The following NOL9 variants were observed in gnomAD, a reference collection of about 807,000 sequenced individuals.
The protein encoded by NOL9 is polynucleotide 5'-hydroxyl-kinase NOL9.
A neutral mutation model predicts 67.9 loss-of-function variants in NOL9; 28 were observed. That is an observed-to-expected ratio of 0.41 (90% CI 0.31 to 0.57). NOL9 has a LOEUF of 0.57. Ranked by LOEUF, NOL9 falls within the 20% of genes least tolerant of loss-of-function variation. The pLI, the probability that NOL9 is intolerant of heterozygous loss-of-function variation, is 0.25. For missense variants in NOL9, 777 were observed against 897.0 expected, an observed-to-expected ratio of 0.87 and a Z score of 1.71; for synonymous variants, 356 against 352.2, an observed-to-expected ratio of 1.01 and a Z score of -0.12.
chr1:6,532,349 C>A, intron 8 of NOL9, 114 bp downstream of exon 8: 1 of 987,310 alleles, frequency 1.0e-6, no homozygotes, highest in Non-Finnish European at 1.5e-6. Flanking sequence ...GCATGCACAG[C>A]TGTGACAGGG....
Position 6,548,440 on chromosome 1 carries a change from C to A in NOL9, c.744+1131G>T, listed in dbSNP as rs1245308648. 4 of 224,162 alleles carry A rather than the reference C, an allele frequency of 1.8e-5. No individual in the cohort carries two copies. The South Asian group carries it at 3.0e-4, about 17-fold the overall frequency. 13.9% of individuals were successfully genotyped at this position (224,162 alleles called of 1,614,324 possible). ...GGGATTACAGGCGTGAGCCACCACG[C>A]CCCGCCAAGACCTAAAGTTCTTAAG... On this transcript the variant is annotated intron_variant, in intron 3 of 11. Coordinates refer to ENST00000377705, the MANE Select transcript of NOL9 (RefSeq NM_024654.5).
intron 4 of NOL9, 33 bp downstream of exon 4, chr1:6,545,008 GGACA>G (rs746583814): frequency 6.2e-7 from 1 of 1,613,974 alleles, no homozygotes; most frequent in South Asian, 1.1e-5. Context: ...GGGGTCTGGT[GGACA>G]GACATTCAGG....
At chr1:6,528,812 G>A (rs911836875) in intron 10 of NOL9, among the ~76,000 whole-genome samples, 182 bp downstream of exon 10, 5 of 152,218 alleles carry the variant, frequency 3.3e-5, no homozygotes, top group Admixed American at 1.3e-4. Flanking sequence ...GCTGGCAGAC[G>A]AAGCAGAGAA....
intron 3 of NOL9, among the ~76,000 whole-genome samples, chr1:6,547,145 CT>C: frequency 6.6e-6 from 1 of 152,210 alleles, no homozygotes; most frequent in South Asian, 2.1e-4. Flanking sequence ...CATCTTGTTT[CT>C]ATCTATTCAA....
chr1:6,525,943 C>T lies in NOL9; in HGVS notation c.2020G>A (p.Ala674Thr), dbSNP rs1638873862. The change falls in exon 12 of 12, where the codon GCA becomes ACA. Residue 674 changes from alanine to threonine, a missense_variant. Around this residue, in one of 2 missense-constraint regions of NOL9, gnomAD observed 413 missense variants for 552.6 expected, o/e 0.75. Transcript: ENST00000377705. ...TCTCTTGCTCCAATTTTCTCTGATG[C>T]TCCAGGAAGTTTAAAATTGTAATCC... is the stretch of plus-strand genomic sequence containing the variant. The part of the protein sequence containing the change: ...TTDYNFKLPG[A>T]SEKIGAREPE... 6 of 1,613,828 alleles carry T rather than the reference C, an allele frequency of 3.7e-6. No individual in the cohort carries two copies. Among genetic ancestry groups the T allele is most frequent in the East Asian group, 2.2e-5 (1 of 44,892 alleles).
At chr1:6,543,420 C>T (rs986696219) in intron 5 of NOL9, among the ~76,000 whole-genome samples, 1 of 152,188 alleles carries the variant, frequency 6.6e-6, no homozygotes, top group African/African-American at 2.4e-5. Context: ...TGGTCTCGAT[C>T]TCCTGACCTC....
chr1:6,537,912 A>C (rs2148655568), intron 6 of NOL9, among the ~76,000 whole-genome samples: 1 of 146,394 alleles, frequency 6.8e-6, no homozygotes, highest in Non-Finnish European at 1.5e-5. Flanking sequence ...TCATGAGGTC[A>C]GGAGATTGAG....
Position 6,544,852 on chromosome 1 carries a change from T to C in NOL9, c.951A>G (p.Arg317=). The change falls in exon 5 of 12, where the codon AGA becomes AGG. Residue 317 remains arginine, a synonymous_variant. Coordinates refer to ENST00000377705, the MANE Select transcript of NOL9 (RefSeq NM_024654.5). Reference sequence around the variant, plus strand: ...TATTTAACAAATGGTTAATCAGGTATCTATTAAATGTTGACTTTCCAACAT... The same window carrying C: ...TATTTAACAAATGGTTAATCAGGTACCTATTAAATGTTGACTTTCCAACAT... ...SQDVGKSTFN[R]YLINHLLNSL... 1 of 1,614,222 alleles carries C rather than the reference T, an allele frequency of 6.2e-7. No homozygotes were observed. Among genetic ancestry groups the C allele is most frequent in the East Asian group, 2.2e-5 (1 of 44,890 alleles).
In NOL9 at chr1:6,526,756, C is replaced by T; in HGVS notation, c.1899G>A (p.Arg633=). 2 of 1,614,026 alleles carry T rather than the reference C, an allele frequency of 1.2e-6. No individual in the cohort carries two copies. The highest frequency in any genetic ancestry group is 1.7e-6 in the Non-Finnish European group (2 of 1,179,950). ...CTCCAACGAGCAGACAATTCACGGT[C>T]CTTAGCTCTTCCGGGGGCACAGGGG... is the stretch of plus-strand genomic sequence containing the variant. The part of the protein sequence containing the change: ...ILTPVPPEEL[R]TVNCLLVGAI... Residue 633 remains arginine (R), a synonymous_variant, in exon 11 of 12, where the codon AGG becomes AGA. Transcript: ENST00000377705.
At chr1:6,545,701 A>C (rs1460459209) in intron 3 of NOL9, among the ~76,000 whole-genome samples, 1 of 85,698 alleles carries the variant, frequency 1.2e-5, no homozygotes, top group Admixed American at 1.3e-4. Context: ...AGGATGAAGG[A>C]AGGGCCCCGT....
chr1:6,532,265 C>T (rs1639046529), intron 8 of NOL9, 186 bp from the exon 9 acceptor site: 3 of 723,128 alleles, frequency 4.1e-6, no homozygotes, highest in African/African-American at 1.8e-5. Context: ...TTGCTGGCAG[C>T]CAGAGGTAGG....
chr1:6,539,310 A>C (rs927165812), intron 6 of NOL9, among the ~76,000 whole-genome samples: 7 of 152,232 alleles, frequency 4.6e-5, no homozygotes, highest in African/African-American at 1.7e-4. Flanking sequence ...TATACACCTG[A>C]AAGAACTGAA....
intron 3 of NOL9, among the ~76,000 whole-genome samples, chr1:6,546,984 G>A (rs541907693): frequency 4.6e-5 from 7 of 152,242 alleles, no homozygotes; most frequent in African/African-American, 1.2e-4. Context: ...AGCAGCTTTC[G>A]CCACCGCTGT....
chr1:6,549,898 C>T (rs11581831), intron 2 of NOL9, among the ~76,000 whole-genome samples, 200 bp from the exon 3 acceptor site: 121,454 of 152,028 alleles, frequency 0.8, 49,456 homozygotes, highest in Non-Finnish European at 0.87. Context: ...CATAATAATT[C>T]TGTGGCCTTG....
intron 10 of NOL9, among the ~76,000 whole-genome samples, chr1:6,527,634 CAAAACA>C (rs1458457976): frequency 2.0e-5 from 1 of 50,932 alleles, no homozygotes; most frequent in African/African-American, 4.5e-5. Flanking sequence ...CAAAACAAAA[CAAAACA>C]AAAAAAAAAC....
Position 6,532,016 on chromosome 1 carries a change from G to A in NOL9, c.1599C>T (p.Pro533=), listed in dbSNP as rs1199611194. The A allele has an allele frequency of 6.2e-7, 1 of 1,614,044 alleles. No homozygotes were observed. Among genetic ancestry groups the A allele is most frequent in the Non-Finnish European group, 8.5e-7 (1 of 1,180,038 alleles). ...AAGGAGAAAGTGGTTTGGGCATCGG[G>A]GGCTGCAGCTGGCTAAGGTAACTCA... is the stretch of plus-strand genomic sequence containing the variant. ...SILSYLSQLQ[P]PMPKPLSPLH... The change falls in exon 9 of 12, where the codon CCC becomes CCT. Residue 533 remains proline (P), a synonymous_variant. Coordinates refer to ENST00000377705, the MANE Select transcript of NOL9 (RefSeq NM_024654.5).
In NOL9 at chr1:6,524,633, A is replaced by G. The variant is rs1638840654; in HGVS notation, c.*1221T>C. ...GGTCTGCCAGTCCTTCTTCCTTCAA[A>G]ACAGCCCAGTCTCCAGCTCTGCCCT... On this transcript the variant is annotated 3_prime_UTR_variant, in exon 12 of 12. Transcript: ENST00000377705. 6.6e-6 allele frequency: 1 copy of G among 152,160 alleles called. No homozygotes were observed. The highest frequency in any genetic ancestry group is 2.4e-5 in the African/African-American group (1 of 41,422). The allele number at this position is 152,160 out of a possible 1,614,324, so 9.4% of individuals were successfully genotyped here. A position where few individuals can be genotyped will look rare whatever the true frequency, so the allele number is the denominator to read the frequency against.
At chr1:6,533,931 A>C (rs1639091427) in intron 6 of NOL9, among the ~76,000 whole-genome samples, 2 of 149,934 alleles carry the variant, frequency 1.3e-5, no homozygotes, top group Non-Finnish European at 3.0e-5. Context: ...CTTGTTGCCC[A>C]GGCTGGACTG....
At chr1:6,543,584 C>G (rs186968976) in intron 5 of NOL9, among the ~76,000 whole-genome samples, 1 of 152,134 alleles carries the variant, frequency 6.6e-6, no homozygotes, top group Non-Finnish European at 1.5e-5. Flanking sequence ...ACTGTAGACT[C>G]GAACTCCTTG....
Sources: gnomAD v4.1 joint callset for allele counts (sites outside exome capture counted in the v4.1 genomes callset) on GRCh38, gnomAD v4.1.1 for gene constraint, gnomAD v4.1.1 regional missense constraint, MANE v1.5 for transcripts, NCBI Gene and HGNC (gene_info 2026-07-23, HGNC 2026-07-21) for gene names.